Variants in TCEA1 observed in about 807,000 individuals in gnomAD.
TCEA1 encodes transcription elongation factor A protein 1.
TCEA1 carries 21 observed loss-of-function variants against 43.8 expected under a neutral mutation model. That is an observed-to-expected ratio of 0.48 (90% CI 0.34 to 0.69). TCEA1 has a LOEUF of 0.69. Ranked by LOEUF, TCEA1 falls within the 30% of genes least tolerant of loss-of-function variation. The probability of loss-of-function intolerance (pLI) is 0.01; values close to 1 mark genes in which losing one functional copy is unlikely to be tolerated. For synonymous variants in TCEA1, 104 were observed against 117.5 expected, an observed-to-expected ratio of 0.88 and a Z score of 0.75; for missense variants, 250 against 365.1, an observed-to-expected ratio of 0.68 and a Z score of 2.57.
chr8:53,987,966 C>T, intron 5 of TCEA1, 148 bp downstream of exon 5: 4 of 904,174 alleles, frequency 4.4e-6, no homozygotes, highest in South Asian at 2.4e-5. Context: ...TTAACAGACC[C>T]GTATCAGCAA....
At chr8:53,993,148 T>G (rs1291262798) in intron 4 of TCEA1, among the ~76,000 whole-genome samples, 3 of 148,464 alleles carry the variant, frequency 2.0e-5, no homozygotes, top group African/African-American at 5.0e-5. Flanking sequence ...TTTTTTTTTT[T>G]TTTTGGTAGA....
intron 4 of TCEA1, among the ~76,000 whole-genome samples, chr8:53,991,936 A>G (rs1052242366): frequency 6.6e-6 from 1 of 152,046 alleles, no homozygotes; most frequent in African/African-American, 2.4e-5. Flanking sequence ...AGACATTAAC[A>G]TTAACATGAA....
chr8:54,009,880 C>T (rs1804595434), intron 2 of TCEA1: 1 of 152,168 alleles, frequency 6.6e-6, no homozygotes, highest in Non-Finnish European at 1.5e-5. Flanking sequence ...CCTAAATAAC[C>T]TGACTTCATC....
At chr8:54,000,272 A>G (rs542077441) in intron 2 of TCEA1, among the ~76,000 whole-genome samples, 1 of 152,324 alleles carries the variant, frequency 6.6e-6, no homozygotes, top group South Asian at 2.1e-4. Context: ...GAAGCATAAA[A>G]TTCACTACTG....
intron 8 of TCEA1, among the ~76,000 whole-genome samples, chr8:53,976,620 T>G (rs1433693002): frequency 6.6e-6 from 1 of 152,242 alleles, no homozygotes; most frequent in Non-Finnish European, 1.5e-5. Context: ...TTTTTTGTCT[T>G]AGCTATTTAT....
chr8:53,969,214 T>G (rs183724489), intron 9 of TCEA1, among the ~76,000 whole-genome samples: 2,198 of 152,188 alleles, frequency 0.014, 29 homozygotes, highest in Admixed American at 0.026. Context: ...CGCTTGAACC[T>G]GGGAGGCGAA....
intron 1 of TCEA1, among the ~76,000 whole-genome samples, chr8:54,017,246 G>A (rs748824408): frequency 5.3e-5 from 8 of 152,182 alleles, no homozygotes; most frequent in South Asian, 2.1e-4. Flanking sequence ...GCACAAACCC[G>A]TAAATACACT....
intron 9 of TCEA1, among the ~76,000 whole-genome samples, chr8:53,968,477 C>T (rs1426569050): frequency 6.6e-6 from 1 of 152,120 alleles, no homozygotes. Flanking sequence ...CAATTAAGTA[C>T]TATGTCAAAA....
chr8:54,022,218 G>A lies in TCEA1; in HGVS notation c.-93C>T, dbSNP rs1190624757. ...ACACAGCAGGAGCGACCCCCGGCGCGCAGCAACCCCCACCACCGCAGGCCC... is the reference window on the plus strand; with the variant it reads ...ACACAGCAGGAGCGACCCCCGGCGCACAGCAACCCCCACCACCGCAGGCCC... On this transcript the variant is annotated 5_prime_UTR_variant, in exon 1 of 10. Coordinates refer to ENST00000521604, the MANE Select transcript of TCEA1 (RefSeq NM_006756.4). The A allele has an allele frequency of 2.9e-6, 4 of 1,393,812 alleles. No homozygotes were observed. Among genetic ancestry groups the A allele is most frequent in the Non-Finnish European group, 1.0e-6 (1 of 996,194 alleles). 86.3% of individuals were successfully genotyped at this position (1,393,812 alleles called of 1,614,324 possible). A position where few individuals can be genotyped will look rare whatever the true frequency, so the allele number is the denominator to read the frequency against.
chr8:53,988,315 CAAT>C, intron 4 of TCEA1, 56 bp from the exon 5 acceptor site: 3 of 1,576,118 alleles, frequency 1.9e-6, no homozygotes, highest in Non-Finnish European at 2.6e-6. Flanking sequence ...TTCAAAGTAA[CAAT>C]ACTACTATCA....
At chr8:54,003,194 T>C (rs1462005495) in intron 2 of TCEA1, 1 of 384,408 alleles carries the variant, frequency 2.6e-6, no homozygotes, top group African/African-American at 2.1e-5. Context: ...ACAGCTACTA[T>C]AAAACATTTT....
chr8:54,000,688 G>T (rs574475194), intron 2 of TCEA1, among the ~76,000 whole-genome samples: 1 of 151,892 alleles, frequency 6.6e-6, no homozygotes, highest in African/African-American at 2.4e-5. Flanking sequence ...TATTTTTAAA[G>T]ATGAAGAGAT....
chr8:54,002,991 A>T, intron 2 of TCEA1: 1 of 456,302 alleles, frequency 2.2e-6, no homozygotes, highest in East Asian at 6.9e-5. Context: ...GACACTGTTA[A>T]CATCACAGGA....
At chr8:54,006,483 G>GA (rs944201933) in intron 2 of TCEA1, among the ~76,000 whole-genome samples, 59 of 146,608 alleles carry the variant, frequency 4.0e-4, no homozygotes, top group East Asian at 2.6e-3. Flanking sequence ...CCATCTCAAA[G>GA]AAAAAAAAAA....
intron 2 of TCEA1, among the ~76,000 whole-genome samples, chr8:54,001,444 T>C (rs143888812): frequency 3.3e-4 from 51 of 152,266 alleles, no homozygotes; most frequent in Non-Finnish European, 6.5e-4. Context: ...CTATATCTCT[T>C]AGAAAGCTGA....
chr8:53,977,310 ACT>A (rs1255267849), intron 8 of TCEA1, among the ~76,000 whole-genome samples: 1 of 152,134 alleles, frequency 6.6e-6, no homozygotes, highest in Non-Finnish European at 1.5e-5. Flanking sequence ...ATAGAGTGAG[ACT>A]CTGTCTCAAA....
At chr8:53,980,180 T>C (rs969845048) in intron 7 of TCEA1, among the ~76,000 whole-genome samples, 1 of 152,188 alleles carries the variant, frequency 6.6e-6, no homozygotes, top group African/African-American at 2.4e-5. Flanking sequence ...CAGATTATAG[T>C]TTCTAATAGC....
chr8:54,017,066 A>C (rs1804854443), intron 1 of TCEA1, among the ~76,000 whole-genome samples: 1 of 151,998 alleles, frequency 6.6e-6, no homozygotes, highest in Non-Finnish European at 1.5e-5. Flanking sequence ...CTGACAGAAA[A>C]TTTCCAGATT....
intron 4 of TCEA1, among the ~76,000 whole-genome samples, chr8:53,991,922 T>C (rs1376582062): frequency 6.6e-6 from 1 of 151,882 alleles, no homozygotes; most frequent in Non-Finnish European, 1.5e-5. Context: ...AATAACAGTG[T>C]ATGAGACATT....
Sources: allele counts gnomAD v4.1 joint callset (sites outside exome capture counted in the v4.1 genomes callset), GRCh38; gene constraint gnomAD v4.1.1; transcripts MANE v1.5; gene names NCBI Gene and HGNC (gene_info 2026-07-23, HGNC 2026-07-21).